Variants in TBXAS1 observed in about 807,000 individuals in gnomAD.
The protein encoded by TBXAS1 is thromboxane-A synthase.
Under a neutral mutation model 60.7 loss-of-function variants are expected in TBXAS1, and 48 were observed. The ratio of observed to expected loss-of-function variants is 0.79; its 90% CI spans 0.63 to 1.01. The LOEUF (loss-of-function observed/expected upper bound fraction) is 1.01. TBXAS1 is among the 50% of genes least tolerant of loss of function. TBXAS1 has a pLI of 0.00. For synonymous variants in TBXAS1, 287 were observed against 269.7 expected, an observed-to-expected ratio of 1.06 and a Z score of -0.63; for missense variants, 685 against 686.3, an observed-to-expected ratio of 1.00 and a Z score of 0.02.
Position 139,951,892 on chromosome 7 carries a change from A to AG in TBXAS1, c.451-1476_451-1475insG, listed in dbSNP as rs1228207224. ...GAAGGAAGGAAGGAAAGAAGGAAGG[A>AG]AGGAAGGAAAGAAAGAGAAAGAAAG... On this transcript the variant is annotated intron_variant, in intron 5 of 12. Transcript: ENST00000448866. Among the ~76,000 whole-genome samples the AG allele has an allele frequency of 2.3e-3, 71 of 31,012 alleles. 13 individuals are homozygous for AG. The highest frequency in any genetic ancestry group is 0.019 in the Middle Eastern group (1 of 54). 20.3% of individuals were successfully genotyped at this position (31,012 alleles called of 152,430 possible). A position where few individuals can be genotyped will look rare whatever the true frequency, so the allele number is the denominator to read the frequency against.
At chr7:140,019,766 G>C (rs1161939667) in intron 12 of TBXAS1, among the ~76,000 whole-genome samples, 1 of 152,208 alleles carries the variant, frequency 6.6e-6, no homozygotes, top group Admixed American at 6.5e-5. Context: ...ACATGAGCAG[G>C]AACAGCATGA....
At chr7:139,899,018 T>G (rs1804348738) in intron 3 of TBXAS1, among the ~76,000 whole-genome samples, 1 of 151,602 alleles carries the variant, frequency 6.6e-6, no homozygotes, top group Non-Finnish European at 1.5e-5. Context: ...TCTCCTTTTT[T>G]TTTTTCATTG....
intron 4 of TBXAS1, chr7:139,797,524 A>G (rs2116341793): frequency 6.6e-6 from 1 of 152,352 alleles, no homozygotes; most frequent in East Asian, 1.9e-4. Context: ...ATCCATCTTC[A>G]CAAAGACTAT....
chr7:139,938,157 G>T (rs552985958), intron 5 of TBXAS1, among the ~76,000 whole-genome samples: 5 of 152,274 alleles, frequency 3.3e-5, no homozygotes, highest in African/African-American at 9.6e-5. Flanking sequence ...GGGCTGGCCC[G>T]CGGCCCACAT....
At position 139,779,387 on chromosome 7, in the gene TBXAS1, C is replaced by T. The variant is rs149020319; in HGVS notation, c.-318+916C>T. Reference sequence around the variant, plus strand: ...TGCCCCCATAATCAATGCTACACTTCCTATCCCTTCTCTTAACCTAATGCC... The same window carrying T: ...TGCCCCCATAATCAATGCTACACTTTCTATCCCTTCTCTTAACCTAATGCC... On this transcript the variant is annotated intron_variant, in intron 1 of 16. Transcript: ENST00000336425. Among the ~76,000 whole-genome samples, 627 of 152,290 alleles carry T rather than the reference C, an allele frequency of 4.1e-3. 4 individuals carry two copies. The highest frequency in any genetic ancestry group is 0.013 in the African/African-American group (540 of 41,564).
At chr7:139,993,936 C>A (rs1813117076) in intron 9 of TBXAS1, among the ~76,000 whole-genome samples, 2 of 150,244 alleles carry the variant, frequency 1.3e-5, no homozygotes, top group African/African-American at 2.5e-5. Context: ...ACTCTGCCAC[C>A]CAGGCTGGAG....
chr7:139,783,336 A>G (rs1358449882), intron 3 of TBXAS1, among the ~76,000 whole-genome samples: 1 of 140,238 alleles, frequency 7.1e-6, no homozygotes, highest in Non-Finnish European at 1.5e-5. Flanking sequence ...AGCATTGAGC[A>G]GAAAGGAAAT....
At chr7:139,938,467 G>A (rs534569879) in intron 5 of TBXAS1, among the ~76,000 whole-genome samples, 1 of 152,298 alleles carries the variant, frequency 6.6e-6, no homozygotes, top group East Asian at 1.9e-4. Flanking sequence ...AGGGGCACCT[G>A]CTTCCACTGC....
intron 4 of TBXAS1, among the ~76,000 whole-genome samples, chr7:139,817,418 C>G (rs959112752): frequency 2.6e-5 from 4 of 152,170 alleles, no homozygotes; most frequent in African/African-American, 9.7e-5. Context: ...TCCAGAGACC[C>G]CCCTGCCGGC....
intron 12 of TBXAS1, 134 bp downstream of exon 12, chr7:140,017,967 T>C: frequency 8.7e-7 from 1 of 1,149,916 alleles, no homozygotes; most frequent in Non-Finnish European, 1.3e-6. Context: ...CTCCTTAACC[T>C]CTCTCGGCCT....
chr7:139,975,918 C>T lies in TBXAS1; in HGVS notation c.1134+13685C>T, dbSNP rs1811530653. Reference sequence around the variant, plus strand: ...GAACATTCCTGAAACAGAGACGTCACCCAGGGTTGCTTTCTGCCACAGCAG... The same window carrying T: ...GAACATTCCTGAAACAGAGACGTCATCCAGGGTTGCTTTCTGCCACAGCAG... On this transcript the variant is annotated intron_variant, in intron 9 of 12. Transcript: ENST00000448866. This position sits in a 1 kb window ranked among gnomAD's most constrained non-coding sequence, Gnocchi z 4.4. Among the ~76,000 whole-genome samples, 2 of 152,226 alleles carry T rather than the reference C, an allele frequency of 1.3e-5. No individual in the cohort carries two copies. The highest frequency in any genetic ancestry group is 2.4e-5 in the African/African-American group (1 of 41,460).
At chr7:139,905,073 C>T (rs12540855) in intron 3 of TBXAS1, among the ~76,000 whole-genome samples, 8,748 of 100,292 alleles carry the variant, frequency 0.087, 620 homozygotes, top group African/African-American at 0.17. Context: ...CTCTCTCTCT[C>T]TCTTTCTCTT....
intron 3 of TBXAS1, among the ~76,000 whole-genome samples, chr7:139,907,761 A>T (rs992760834): frequency 6.6e-6 from 1 of 152,082 alleles, no homozygotes; most frequent in African/African-American, 2.4e-5. Flanking sequence ...TTTTTCAGGA[A>T]ATTTTAAATT....
intron 1 of TBXAS1, among the ~76,000 whole-genome samples, chr7:139,863,641 A>C (rs112234441): frequency 2.4e-4 from 37 of 152,352 alleles, no homozygotes; most frequent in African/African-American, 8.7e-4. Context: ...ACTTAGAGGA[A>C]GATTTATAGC....
intron 3 of TBXAS1, among the ~76,000 whole-genome samples, chr7:139,897,784 G>A (rs1243288282): frequency 1.3e-5 from 2 of 152,132 alleles, no homozygotes; most frequent in Admixed American, 6.5e-5. Context: ...GGGTAACATG[G>A]GCAGATGTTG....
At chr7:139,966,768 C>T (rs1424414832) in intron 9 of TBXAS1, among the ~76,000 whole-genome samples, 1 of 152,228 alleles carries the variant, frequency 6.6e-6, no homozygotes, top group African/African-American at 2.4e-5. Context: ...ACTTCAGGCT[C>T]AAATCCAATC....
intron 3 of TBXAS1, among the ~76,000 whole-genome samples, chr7:139,909,458 TG>T (rs1242138420): frequency 6.6e-6 from 1 of 152,226 alleles, no homozygotes; most frequent in Admixed American, 6.5e-5. Flanking sequence ...TTTGTTTTCT[TG>T]GTTAAAATCA....
At position 139,999,548 on chromosome 7, in the gene TBXAS1, G is replaced by T. The variant is rs1202907398; in HGVS notation, c.1135-7543G>T. Among the ~76,000 whole-genome samples the T allele has an allele frequency of 6.6e-6, 1 of 152,142 alleles. No individual in the cohort carries two copies. Among genetic ancestry groups the T allele is most frequent in the Non-Finnish European group, 1.5e-5 (1 of 68,032 alleles). ...CCAAAAAACCAGTTGCAAGGGTGAG[G>T]GGCTTTGCCTCTGGTTTATGGTCAG... On this transcript the variant is annotated intron_variant, in intron 9 of 12. Coordinates refer to ENST00000448866, the MANE Select transcript of TBXAS1 (RefSeq NM_001061.7). The surrounding 1 kb of genome is among the most constrained non-coding windows in gnomAD (Gnocchi z 4.3).
intron 3 of TBXAS1, among the ~76,000 whole-genome samples, chr7:139,879,960 C>A (rs1461913090): frequency 1.3e-5 from 2 of 152,042 alleles, no homozygotes; most frequent in Admixed American, 1.3e-4. Flanking sequence ...CAGCTCATGG[C>A]AACCTCCACC....
Sources: gnomAD v4.1 joint callset for allele counts (sites outside exome capture counted in the v4.1 genomes callset) on GRCh38, gnomAD v4.1.1 for gene constraint, Gnocchi (gnomAD v3.1) non-coding constraint, MANE v1.5 for transcripts, NCBI Gene and HGNC (gene_info 2026-07-23, HGNC 2026-07-21) for gene names.